GPRC5C: variants seen among roughly 807,000 people sequenced by gnomAD.
GPRC5C encodes G protein-coupled receptor family C group 5 member C.
A neutral mutation model predicts 31.4 loss-of-function variants in GPRC5C; 22 were observed. The ratio of observed to expected loss-of-function variants is 0.70; its 90% CI spans 0.50 to 1.00. The LOEUF is 1.00. GPRC5C is among the 50% of genes least tolerant of loss of function. GPRC5C has a pLI of 0.00. For synonymous variants in GPRC5C, 249 were observed against 257.5 expected (o/e 0.97, Z 0.32); for missense variants, 557 against 597.2 (o/e 0.93, Z 0.70).
chr17:74,449,747 C>G (rs532741199), downstream of GPRC5C: 1 of 197,282 alleles, frequency 5.1e-6, no homozygotes, highest in African/African-American at 2.4e-5. Flanking sequence ...CTCAGTGCCC[C>G]GTCTTGACTC....
Position 74,447,055 on chromosome 17 carries a change from G to A in GPRC5C, c.*27G>A, listed in dbSNP as rs771550464. Reference sequence around the variant, plus strand: ...TCAGCGGTGGCGAGGAGAGGCGGGCGGATTTGGGGAGGGCCCTGAGGACCT... The same window carrying A: ...TCAGCGGTGGCGAGGAGAGGCGGGCAGATTTGGGGAGGGCCCTGAGGACCT... On this transcript the variant is annotated 3_prime_UTR_variant, in exon 4 of 4. Transcript: ENST00000392627. 1.3e-5 allele frequency: 20 copies of A among 1,594,198 alleles called. No individual in the cohort carries two copies. Among genetic ancestry groups the A allele is most frequent in the African/African-American group, 6.7e-5 (5 of 74,542 alleles).
At chr17:74,435,484 A>G (rs2055419893) in intron 1 of GPRC5C, among the ~76,000 whole-genome samples, 1 of 152,234 alleles carries the variant, frequency 6.6e-6, no homozygotes, top group African/African-American at 2.4e-5. Context: ...TAAGTTACTC[A>G]GCAACTTACT....
At chr17:74,434,018 C>T (rs1438318788) in intron 1 of GPRC5C, among the ~76,000 whole-genome samples, 1 of 152,148 alleles carries the variant, frequency 6.6e-6, no homozygotes, top group Non-Finnish European at 1.5e-5. Context: ...GGCCTCTGCG[C>T]CCCCTGGAGA....
At position 74,433,812 on chromosome 17, in the gene GPRC5C, G is replaced by C. The variant is rs901092292; in HGVS notation, c.-33+1671G>C. Reference sequence around the variant, plus strand: ...CGCGCTGGAGCTCTCTTTCCAGTGCGGTATCCTTGGCCCTGGTGGGTGGAG... The same window carrying C: ...CGCGCTGGAGCTCTCTTTCCAGTGCCGTATCCTTGGCCCTGGTGGGTGGAG... On this transcript the variant is annotated intron_variant, in intron 1 of 3. Coordinates refer to ENST00000392627, the MANE Select transcript of GPRC5C (RefSeq NM_022036.4). 21 of 1,289,366 alleles carry C rather than the reference G, an allele frequency of 1.6e-5. No individual in the cohort carries two copies. In the East Asian group the frequency reaches 3.9e-4, roughly 24 times the overall value. 79.9% of individuals were successfully genotyped at this position (1,289,366 alleles called of 1,614,324 possible).
At chr17:74,434,915 C>T (rs922210156) in intron 1 of GPRC5C, among the ~76,000 whole-genome samples, 11 of 148,740 alleles carry the variant, frequency 7.4e-5, no homozygotes, top group African/African-American at 2.5e-4. Context: ...AAGAGTGAAG[C>T]TTCGTCTCAA....
chr17:74,445,488 G>T (rs1338327494), intron 3 of GPRC5C: 1 of 152,826 alleles, frequency 6.5e-6, no homozygotes, highest in Non-Finnish European at 1.5e-5. Context: ...GGTGGAGTCT[G>T]CGTGGGGACT....
Position 74,439,669 on chromosome 17 carries a change from T to C in GPRC5C, c.-32-76T>C, listed in dbSNP as rs148585953. ...CTAGCACTATCTGCCTGGGTTTAGG[T>C]TGGGGGAAGCAGCACCATGTATATT... On this transcript the variant is annotated intron_variant, in intron 1 of 3. Transcript: ENST00000392627. The C allele has an allele frequency of 7.7e-4, 1,070 of 1,383,200 alleles. 1 individual carries two copies. The highest frequency in any genetic ancestry group is 9.4e-4 in the Middle Eastern group (5 of 5,314). 85.7% of individuals were successfully genotyped at this position (1,383,200 alleles called of 1,614,324 possible). A position where few individuals can be genotyped will look rare whatever the true frequency, so the allele number is the denominator to read the frequency against.
At chr17:74,443,474 C>T (rs563220070) in intron 2 of GPRC5C, 64 of 431,976 alleles carry the variant, frequency 1.5e-4, no homozygotes, top group Non-Finnish European at 2.4e-4. Flanking sequence ...GCCCATGTGT[C>T]CTCTTGGCCT....
intron 1 of GPRC5C, among the ~76,000 whole-genome samples, chr17:74,434,879 T>G (rs185263399): frequency 6.7e-4 from 91 of 135,234 alleles, no homozygotes; most frequent in African/African-American, 2.4e-3. Flanking sequence ...GCCGAGATCA[T>G]GCCATTGCAC....
At chr17:74,449,797 G>A (rs2055695254), downstream of GPRC5C, 1 of 172,934 alleles carries the variant, frequency 5.8e-6, no homozygotes, top group South Asian at 1.3e-4. Context: ...TCTGGCACTG[G>A]CTTGTCCCAC....
downstream of GPRC5C, chr17:74,449,640 A>G (rs985938317): frequency 2.5e-5 from 6 of 241,300 alleles, no homozygotes; most frequent in Non-Finnish European, 5.1e-5. Flanking sequence ...GCTGCCTCCA[A>G]CTCCCCTCTT....
intron 1 of GPRC5C, among the ~76,000 whole-genome samples, chr17:74,436,003 C>T (rs1196158580): frequency 6.6e-6 from 1 of 152,180 alleles, no homozygotes; most frequent in East Asian, 1.9e-4. Context: ...AATGTGCCCC[C>T]CAACAAATCG....
In GPRC5C at chr17:74,440,426, T is replaced by C. The variant is rs1402548252; in HGVS notation, c.650T>C (p.Met217Thr). ...TTTGTCATGGCACTCATCTACGTCA[T>C]GCTGCTGCTGCTGGGTGCCTTCCTG... The part of the protein sequence containing the change: ...MDFVMALIYV[M>T]LLLLGAFLGA... Residue 217 changes from methionine (M) to threonine (T), a missense_variant, in exon 2 of 4, where the codon ATG becomes ACG. By Grantham distance (81) the Met-to-Thr change is moderately conservative. Coordinates refer to ENST00000392627, the MANE Select transcript of GPRC5C (RefSeq NM_022036.4). The surrounding 1 kb of genome is among the most constrained non-coding windows in gnomAD (Gnocchi z 4.4). The C allele has an allele frequency of 1.9e-6, 3 of 1,610,016 alleles. No homozygotes were observed. The highest frequency in any genetic ancestry group is 1.7e-6 in the Non-Finnish European group (2 of 1,176,844).
chr17:74,447,731 C>G (rs1199065337), downstream of GPRC5C, among the ~76,000 whole-genome samples: 3 of 151,196 alleles, frequency 2.0e-5, no homozygotes, highest in African/African-American at 7.3e-5. Context: ...GGGAACCCCC[C>G]TCCAGTGGCT....
rs2055501986 is a variant in GPRC5C at position 74,440,012 on chromosome 17, A to G, written c.236A>G (p.Gln79Arg). ...IILVASLPFV[Q>R]DTKKRSLLGT... ...CTGGTGGCCAGCCTCCCCTTTGTGC[A>G]GGACACCAAGAAACGGAGCCTGCTG... The change falls in exon 2 of 4, where the codon CAG becomes CGG. Residue 79 changes from glutamine to arginine, a missense_variant. Gln to Arg is a conservative substitution (Grantham distance 43, BLOSUM62 1). Coordinates refer to ENST00000392627, the MANE Select transcript of GPRC5C (RefSeq NM_022036.4). This position sits in a 1 kb window ranked among gnomAD's most constrained non-coding sequence, Gnocchi z 4.4. 2 of 1,610,078 alleles carry G rather than the reference A, an allele frequency of 1.2e-6. No individual in the cohort carries two copies. Among genetic ancestry groups the G allele is most frequent in the East Asian group, 2.2e-5 (1 of 44,882 alleles).
intron 3 of GPRC5C, among the ~76,000 whole-genome samples, chr17:74,444,677 G>A (rs897682376): frequency 4.6e-5 from 7 of 152,142 alleles, no homozygotes; most frequent in African/African-American, 1.7e-4. Context: ...CAATCCCAGC[G>A]CCTCCCCTCT....
chr17:74,437,009 C>G (rs2055441713), intron 1 of GPRC5C, among the ~76,000 whole-genome samples: 1 of 152,104 alleles, frequency 6.6e-6, no homozygotes, highest in Non-Finnish European at 1.5e-5. Flanking sequence ...GTGGCGCAAT[C>G]TCGGCTCACT....
downstream of GPRC5C, chr17:74,449,656 G>A (rs531821021): frequency 8.0e-4 from 195 of 243,172 alleles, no homozygotes; most frequent in African/African-American, 4.3e-3. Context: ...CTCTTGACAC[G>A]CCCCCCTCCC....
chr17:74,442,688 A>G (rs925282222), intron 2 of GPRC5C, among the ~76,000 whole-genome samples: 1 of 152,202 alleles, frequency 6.6e-6, no homozygotes, highest in Non-Finnish European at 1.5e-5. Flanking sequence ...TTTCTCTTCT[A>G]CACACTGTGA....
Sources: allele counts gnomAD v4.1 joint callset (sites outside exome capture counted in the v4.1 genomes callset), GRCh38; gene constraint gnomAD v4.1.1; non-coding constraint Gnocchi (gnomAD v3.1); transcripts MANE v1.5; gene names NCBI Gene and HGNC (gene_info 2026-07-23, HGNC 2026-07-21).